Variants in ATXN1 observed in about 807,000 individuals in gnomAD.
ATXN1 encodes the protein ataxin 1, also known as ataxin-1.
A neutral mutation model predicts 56.4 loss-of-function variants in ATXN1; 8 were observed. The ratio of observed to expected loss-of-function variants is 0.14; its 90% confidence interval spans 0.08 to 0.26. The LOEUF is 0.26. ATXN1 is among the 10% of genes least tolerant of loss of function. The pLI, the probability that ATXN1 is intolerant of heterozygous loss-of-function variation, is 1.00. For missense variants in ATXN1, 987 were observed against 1,106.5 expected, an observed-to-expected ratio of 0.89 and a Z score of 1.53; for synonymous variants, 514 against 494.6, an observed-to-expected ratio of 1.04 and a Z score of -0.52.
intron 2 of ATXN1, among the ~76,000 whole-genome samples, chr6:16,747,064 C>A (rs1470218129): frequency 2.6e-5 from 4 of 151,958 alleles, no homozygotes; most frequent in Non-Finnish European, 4.4e-5. Flanking sequence ...TCTGTAGGGT[C>A]CTGGAAGACT....
At chr6:16,594,347 A>G (rs1025033152) in intron 3 of ATXN1, among the ~76,000 whole-genome samples, 2 of 151,992 alleles carry the variant, frequency 1.3e-5, no homozygotes, top group Non-Finnish European at 2.9e-5. Flanking sequence ...CCAAATGACT[A>G]TATCAACCTA....
intron 6 of ATXN1, among the ~76,000 whole-genome samples, chr6:16,346,142 G>C (rs917387780): frequency 2.0e-5 from 3 of 152,130 alleles, no homozygotes; most frequent in Non-Finnish European, 4.4e-5. Flanking sequence ...TGCAACCTCC[G>C]CCTCCTGGGT....
intron 3 of ATXN1, among the ~76,000 whole-genome samples, chr6:16,628,694 C>T (rs1415391410): frequency 6.6e-6 from 1 of 152,204 alleles, no homozygotes; most frequent in Non-Finnish European, 1.5e-5. Context: ...TTAGCTCCCA[C>T]TTGTAAGTGA....
At chr6:16,600,963 T>G (rs1251286327) in intron 3 of ATXN1, among the ~76,000 whole-genome samples, 2 of 152,216 alleles carry the variant, frequency 1.3e-5, no homozygotes, top group Admixed American at 1.3e-4. Context: ...GTTGTCTTCC[T>G]GTGTACTCTC....
chr6:16,557,744 G>A (rs1762040695), intron 4 of ATXN1, among the ~76,000 whole-genome samples: 2 of 152,186 alleles, frequency 1.3e-5, no homozygotes, highest in South Asian at 4.1e-4. Flanking sequence ...ACTTTAGTGG[G>A]AGGAAGGACT....
intron 5 of ATXN1, among the ~76,000 whole-genome samples, chr6:16,516,067 CG>C (rs1761178209): frequency 6.6e-6 from 1 of 152,166 alleles, no homozygotes; most frequent in African/African-American, 2.4e-5. Flanking sequence ...GGGGCTTTAG[CG>C]TAAGTTTAGC....
chr6:16,598,234 T>C (rs1762850884), intron 3 of ATXN1, among the ~76,000 whole-genome samples: 1 of 152,238 alleles, frequency 6.6e-6, no homozygotes, highest in South Asian at 2.1e-4. Flanking sequence ...TGTCACAACC[T>C]GCCGGAACGG....
intron 3 of ATXN1, among the ~76,000 whole-genome samples, chr6:16,628,524 C>T (rs1274118493): frequency 6.6e-6 from 1 of 152,110 alleles, no homozygotes; most frequent in Admixed American, 6.5e-5. Context: ...TAGATAAACT[C>T]ATGCCATGGG....
At chr6:16,711,823 G>T (rs372121713) in intron 2 of ATXN1, among the ~76,000 whole-genome samples, 1 of 152,060 alleles carries the variant, frequency 6.6e-6, no homozygotes, top group African/African-American at 2.4e-5. Context: ...TCACCATGTT[G>T]CCCAGGCTGA....
intron 4 of ATXN1, among the ~76,000 whole-genome samples, chr6:16,532,482 T>C (rs1761524236): frequency 6.6e-6 from 1 of 152,110 alleles, no homozygotes; most frequent in Non-Finnish European, 1.5e-5. Context: ...TGAAGTAGTG[T>C]ACTATCTAGG....
chr6:16,711,777 C>T (rs1270476285), intron 2 of ATXN1, among the ~76,000 whole-genome samples: 2 of 151,958 alleles, frequency 1.3e-5, no homozygotes, highest in Non-Finnish European at 2.9e-5. Flanking sequence ...GCCACTGCTG[C>T]CGCCTAGTTT....
intron 4 of ATXN1, among the ~76,000 whole-genome samples, chr6:16,563,055 G>A (rs747039315): frequency 1.1e-4 from 17 of 152,138 alleles, no homozygotes; most frequent in Non-Finnish European, 2.1e-4. Flanking sequence ...CGTGAGCACA[G>A]CATGCAACAC....
At chr6:16,719,500 A>C (rs1427159850) in intron 2 of ATXN1, among the ~76,000 whole-genome samples, 1 of 152,260 alleles carries the variant, frequency 6.6e-6, no homozygotes, top group Non-Finnish European at 1.5e-5. Flanking sequence ...CTACAACTAG[A>C]AAAACCCGAC....
At chr6:16,656,568 G>A (rs1758206298) in intron 3 of ATXN1, among the ~76,000 whole-genome samples, 1 of 152,128 alleles carries the variant, frequency 6.6e-6, no homozygotes, top group Non-Finnish European at 1.5e-5. Flanking sequence ...TTTATTTATA[G>A]TTTAGAGTGT....
At position 16,354,946 on chromosome 6, in the gene ATXN1, C is replaced by T. The variant is rs995971164; in HGVS notation, c.-160-26476G>A. ...GCATAGCTGGAGACTGGCCAGAGGCCCTGACAGCTGCACACTGTGTCCTGT... is the reference window on the plus strand; with the variant it reads ...GCATAGCTGGAGACTGGCCAGAGGCTCTGACAGCTGCACACTGTGTCCTGT... On this transcript the variant is annotated intron_variant, in intron 6 of 7. Transcript: ENST00000436367. Among the ~76,000 whole-genome samples the T allele has an allele frequency of 2.6e-5, 4 of 152,180 alleles. No individual in the cohort carries two copies. The East Asian group carries it at 7.7e-4, about 29-fold the overall frequency.
At chr6:16,640,078 T>C (rs1763680314) in intron 3 of ATXN1, among the ~76,000 whole-genome samples, 1 of 152,124 alleles carries the variant, frequency 6.6e-6, no homozygotes, top group African/African-American at 2.4e-5. Context: ...TTTTTTCAAA[T>C]TGAAGTTCTG....
At chr6:16,392,080 A>C (rs1361129466) in intron 6 of ATXN1, among the ~76,000 whole-genome samples, 1 of 152,072 alleles carries the variant, frequency 6.6e-6, no homozygotes. Context: ...GGAAACATCA[A>C]CTCTTCTCAG....
intron 6 of ATXN1, among the ~76,000 whole-genome samples, chr6:16,459,757 T>C (rs1446601377): frequency 6.6e-6 from 1 of 152,214 alleles, no homozygotes; most frequent in Non-Finnish European, 1.5e-5. Flanking sequence ...GGTCAGGCAC[T>C]GTCCCAAGAT....
At chr6:16,595,367 G>A (rs1036676861) in intron 3 of ATXN1, among the ~76,000 whole-genome samples, 1 of 152,222 alleles carries the variant, frequency 6.6e-6, no homozygotes, top group Non-Finnish European at 1.5e-5. Flanking sequence ...GAATCGGCCC[G>A]TTCTTCATCA....
Sources: gnomAD v4.1 joint callset for allele counts (sites outside exome capture counted in the v4.1 genomes callset) on GRCh38, gnomAD v4.1.1 for gene constraint, MANE v1.5 for transcripts, NCBI Gene and HGNC (gene_info 2026-07-23, HGNC 2026-07-21) for gene names.